NALF1: variants seen among roughly 807,000 people sequenced by gnomAD.
NALF1 encodes the protein family with sequence similarity 155 member A.
NALF1 carries 3 observed loss-of-function variants against 48.4 expected under a neutral mutation model. That is an observed-to-expected ratio of 0.06 (90% CI 0.03 to 0.16). NALF1 has a LOEUF of 0.16. Among genes scored for constraint, NALF1 ranks in the 10% least tolerant of loss-of-function variants. The pLI is 1.00. For synonymous variants in NALF1, 262 were observed against 245.7 expected, an observed-to-expected ratio of 1.07 and a Z score of -0.62; for missense variants, 526 against 571.5, an observed-to-expected ratio of 0.92 and a Z score of 0.81.
chr13:107,729,127 C>G (rs1458897862), intron 1 of NALF1, among the ~76,000 whole-genome samples: 1 of 152,154 alleles, frequency 6.6e-6, no homozygotes, highest in African/African-American at 2.4e-5. Flanking sequence ...AACTACAGCT[C>G]CATGTCTGAA....
chr13:107,202,634 C>T (rs1879545054), intron 2 of NALF1, among the ~76,000 whole-genome samples: 1 of 152,038 alleles, frequency 6.6e-6, no homozygotes, highest in Admixed American at 6.6e-5. Context: ...TTTATTTAAC[C>T]AGAAAAATGT....
intron 1 of NALF1, among the ~76,000 whole-genome samples, chr13:107,850,281 T>TA (rs146743030): frequency 0.038 from 5,856 of 152,264 alleles, 272 homozygotes; most frequent in African/African-American, 0.11. Flanking sequence ...CAAATTAAAA[T>TA]AAAAAGATAA....
intron 1 of NALF1, among the ~76,000 whole-genome samples, chr13:107,598,042 C>A (rs1878806318): frequency 6.6e-6 from 1 of 152,134 alleles, no homozygotes. Flanking sequence ...CTAAATTTTT[C>A]TAGGTAATGT....
chr13:107,859,841 G>A (rs1880522095), intron 1 of NALF1, among the ~76,000 whole-genome samples: 1 of 150,438 alleles, frequency 6.6e-6, no homozygotes. Context: ...CTTGAACTCA[G>A]GAGGAGGAGG....
intron 1 of NALF1, among the ~76,000 whole-genome samples, chr13:107,649,477 T>A (rs568008576): frequency 5.3e-5 from 8 of 152,354 alleles, no homozygotes; most frequent in Admixed American, 5.2e-4. Context: ...TTTAAAATGA[T>A]TGAATCAGAT....
intron 1 of NALF1, among the ~76,000 whole-genome samples, chr13:107,249,966 T>C (rs1880663833): frequency 6.6e-6 from 1 of 152,050 alleles, no homozygotes; most frequent in African/African-American, 2.4e-5. Context: ...TTAGTATCAC[T>C]TGATGAGTTT....
intron 1 of NALF1, among the ~76,000 whole-genome samples, chr13:107,514,960 T>C (rs1876012025): frequency 6.6e-6 from 1 of 152,214 alleles, no homozygotes; most frequent in South Asian, 2.1e-4. Flanking sequence ...TTCCTATGCA[T>C]AGAGGAGACA....
At chr13:107,553,440 T>A (rs968384185) in intron 1 of NALF1, among the ~76,000 whole-genome samples, 11 of 152,236 alleles carry the variant, frequency 7.2e-5, no homozygotes, top group African/African-American at 2.7e-4. Flanking sequence ...GTTTATACTG[T>A]ATATAATATG....
chr13:107,555,230 C>A (rs2391457), intron 1 of NALF1, among the ~76,000 whole-genome samples: 1 of 151,600 alleles, frequency 6.6e-6, no homozygotes, highest in Non-Finnish European at 1.5e-5. Flanking sequence ...TCAAAACTTA[C>A]GTTGTGAGGG....
rs148800804 is a variant in NALF1, at chr13:107,363,109, G to T, written c.916-152354C>A. 1.3e-3 allele frequency among the ~76,000 whole-genome samples: 203 copies of T among 152,250 alleles called. 2 individuals are homozygous for T. The highest frequency in any genetic ancestry group is 4.6e-3 in the African/African-American group (190 of 41,566). ...GCATGTTTCAAAATCCTTAAGTCAA[G>T]AATTTTTATTTCATTTGTTCATTTC... On this transcript the variant is annotated intron_variant, in intron 1 of 2. Coordinates refer to ENST00000375915, the MANE Select transcript of NALF1 (RefSeq NM_001080396.3).
At chr13:107,845,127 A>C (rs1431383845) in intron 1 of NALF1, among the ~76,000 whole-genome samples, 1 of 152,222 alleles carries the variant, frequency 6.6e-6, no homozygotes, top group Non-Finnish European at 1.5e-5. Flanking sequence ...GATTTCATTT[A>C]TGGCAAAGAA....
At chr13:107,369,477 C>A (rs1457063784) in intron 1 of NALF1, among the ~76,000 whole-genome samples, 1 of 151,980 alleles carries the variant, frequency 6.6e-6, no homozygotes, top group Non-Finnish European at 1.5e-5. Flanking sequence ...TCACTAAAAT[C>A]AAAATAATCT....
chr13:107,860,541 G>A lies in NALF1; in HGVS notation c.915+5141C>T, dbSNP rs181526581. ...AGGGTTGGGATGCCCTGGCCTTAGCGCCCTCAAAGATTTCCAGGATGTTCC... is the reference window on the plus strand; with the variant it reads ...AGGGTTGGGATGCCCTGGCCTTAGCACCCTCAAAGATTTCCAGGATGTTCC... On this transcript the variant is annotated intron_variant, in intron 1 of 2. Transcript: ENST00000375915. Among the ~76,000 whole-genome samples the A allele has an allele frequency of 1.8e-4, 28 of 152,176 alleles. 1 individual carries two copies. Among genetic ancestry groups the A allele is most frequent in the African/African-American group, 5.5e-4 (23 of 41,520 alleles).
At chr13:107,293,488 T>G (rs1881669055) in intron 1 of NALF1, among the ~76,000 whole-genome samples, 1 of 152,140 alleles carries the variant, frequency 6.6e-6, no homozygotes, top group South Asian at 2.1e-4. Context: ...TAGGCCTCAC[T>G]TCCCTACTCC....
chr13:107,843,062 C>T (rs1172637525), intron 1 of NALF1, among the ~76,000 whole-genome samples: 1 of 152,202 alleles, frequency 6.6e-6, no homozygotes, highest in Non-Finnish European at 1.5e-5. Flanking sequence ...ATACATTTAA[C>T]ATTTAGATAA....
chr13:107,437,855 G>GA, intron 1 of NALF1, among the ~76,000 whole-genome samples: 1 of 152,158 alleles, frequency 6.6e-6, no homozygotes, highest in South Asian at 2.1e-4. Context: ...ATTTTACCTC[G>GA]AAAACAGAAA....
chr13:107,487,323 T>G (rs914830183), intron 1 of NALF1, among the ~76,000 whole-genome samples: 5 of 152,210 alleles, frequency 3.3e-5, no homozygotes, highest in African/African-American at 1.2e-4. Flanking sequence ...GCAAACAACT[T>G]TCCAAGTGTC....
At chr13:107,555,546 C>T (rs1877443728) in intron 1 of NALF1, among the ~76,000 whole-genome samples, 1 of 148,174 alleles carries the variant, frequency 6.7e-6, no homozygotes, top group Admixed American at 6.9e-5. Context: ...CTGCCTGCCT[C>T]GGCCTCCCAA....
Position 107,602,056 on chromosome 13 carries a change from T to C in NALF1, c.915+263626A>G, listed in dbSNP as rs183323216. Among the ~76,000 whole-genome samples the C allele has an allele frequency of 1.3e-3, 191 of 152,228 alleles. 2 individuals carry two copies. The highest frequency in any genetic ancestry group is 3.8e-3 in the African/African-American group (157 of 41,574). Reference sequence around the variant, plus strand: ...AAATAAAGCTCATGATTTAATTGTATAGAAAGGTCTCTGAACTGCATCCAA... The same window carrying C: ...AAATAAAGCTCATGATTTAATTGTACAGAAAGGTCTCTGAACTGCATCCAA... On this transcript the variant is annotated intron_variant, in intron 1 of 2. Transcript: ENST00000375915.
Sources: allele counts gnomAD v4.1 joint callset (sites outside exome capture counted in the v4.1 genomes callset), GRCh38; gene constraint gnomAD v4.1.1; transcripts MANE v1.5; gene names NCBI Gene and HGNC (gene_info 2026-07-23, HGNC 2026-07-21).